The following TRERF1 variants were observed in gnomAD, a reference collection of about 807,000 sequenced individuals.
The protein encoded by TRERF1 is transcriptional-regulating factor 1.
In TRERF1, 27 loss-of-function variants were observed where a neutral mutation model predicts 122.9. The observed-to-expected ratio is 0.22, with a 90% CI of 0.16 to 0.30. The LOEUF (loss-of-function observed/expected upper bound fraction) is 0.30. Among genes scored for constraint, TRERF1 ranks in the 10% least tolerant of loss-of-function variants. The pLI, the probability that TRERF1 is intolerant of heterozygous loss-of-function variation, is 1.00. For synonymous variants in TRERF1, 636 were observed against 641.7 expected, an observed-to-expected ratio of 0.99 and a Z score of 0.13; for missense variants, 1,248 against 1,560.3, an observed-to-expected ratio of 0.80 and a Z score of 3.37.
At chr6:42,432,208 G>A (rs183542415) in intron 2 of TRERF1, among the ~76,000 whole-genome samples, 113 of 152,280 alleles carry the variant, frequency 7.4e-4, no homozygotes, top group African/African-American at 2.5e-3. Flanking sequence ...TGTCTGGCAC[G>A]TGGTGAGCAT....
In TRERF1 at chr6:42,284,965, A is replaced by G. The variant is rs1269511086; in HGVS notation, c.-258-15117T>C. 4.0e-5 allele frequency among the ~76,000 whole-genome samples: 6 copies of G among 151,136 alleles called. No individual in the cohort carries two copies. The East Asian group carries it at 1.2e-3, about 29-fold the overall frequency. ...TGAAAACATTTTCTGAAGTAAGCAG[A>G]CCTTTTTTTTTTCAAAGGTCCTCAA... is the stretch of plus-strand genomic sequence containing the variant. On this transcript the variant is annotated intron_variant, in intron 4 of 17. Coordinates refer to ENST00000372922, the Ensembl canonical transcript of TRERF1.
At chr6:42,407,679 G>A (rs72857675) in intron 2 of TRERF1, among the ~76,000 whole-genome samples, 5 of 151,682 alleles carry the variant, frequency 3.3e-5, no homozygotes, top group Admixed American at 6.6e-5. Context: ...CCACCGCAAC[G>A]CATTTCCTCT....
chr6:42,260,225 C>T (rs780574687), intron 8 of TRERF1, among the ~76,000 whole-genome samples: 24 of 151,990 alleles, frequency 1.6e-4, no homozygotes, highest in Non-Finnish European at 3.4e-4. Flanking sequence ...GCGACCCACA[C>T]CGGGCTCTCC....
At chr6:42,444,338 T>G (rs1266491641) in intron 2 of TRERF1, among the ~76,000 whole-genome samples, 1 of 152,150 alleles carries the variant, frequency 6.6e-6, no homozygotes, top group Non-Finnish European at 1.5e-5. Context: ...AACTGAAGAC[T>G]CTTTTCTCCA....
In TRERF1 at chr6:42,421,895, T is replaced by G. The variant is rs1178981742; in HGVS notation, c.-454+29282A>C. 3.3e-5 allele frequency among the ~76,000 whole-genome samples: 5 copies of G among 151,442 alleles called. No homozygotes were observed. In the East Asian group the frequency reaches 9.9e-4, roughly 30 times the overall value. On this transcript the variant is annotated intron_variant, in intron 2 of 17. Transcript: ENST00000372922. ...CAGTTTGAGAAACACTGGCCGCGTG[T>G]GGTGGCTCACGCCTGTAATCCCAGC...
intron 2 of TRERF1, among the ~76,000 whole-genome samples, chr6:42,438,676 T>C (rs1785918772): frequency 1.3e-5 from 2 of 151,982 alleles, no homozygotes; most frequent in South Asian, 4.1e-4. Flanking sequence ...AATTCTGCCA[T>C]CCTGGTTAAG....
chr6:42,272,631 G>A (rs713383), intron 4 of TRERF1, among the ~76,000 whole-genome samples: 36,474 of 152,116 alleles, frequency 0.24, 4,759 homozygotes, highest in East Asian at 0.38. Context: ...CTGCATCCAG[G>A]TGAGGCATAA....
At chr6:42,387,772 T>C (rs1309412386) in intron 2 of TRERF1, among the ~76,000 whole-genome samples, 1 of 148,754 alleles carries the variant, frequency 6.7e-6, no homozygotes, top group African/African-American at 2.5e-5. Context: ...AATTTTTACA[T>C]CAGTAAACCA....
chr6:42,445,817 T>A (rs1157313134), intron 2 of TRERF1, among the ~76,000 whole-genome samples: 1 of 152,182 alleles, frequency 6.6e-6, no homozygotes, highest in African/African-American at 2.4e-5. Flanking sequence ...TTTACTGTGC[T>A]CTGCCTTTCT....
Position 42,263,492 on chromosome 6 carries a change from T to TGTG in TRERF1, c.1709_1711dup (p.Pro570dup). On this transcript the variant is annotated inframe_insertion, in exon 8 of 18. Transcript: ENST00000372922. The surrounding 1 kb of genome is among the most constrained non-coding windows in gnomAD (Gnocchi z 5.6). ...GAGGCTTTCTGCCTCGGGAGGGAGC[T>TGTG]GTGGTGGCGGCGGAGGCGGAGGCGG... 1 of 1,581,092 alleles carries TGTG rather than the reference T, an allele frequency of 6.3e-7. No individual in the cohort carries two copies.
intron 3 of TRERF1, among the ~76,000 whole-genome samples, chr6:42,311,068 CTAT>C (rs1432022362): frequency 6.6e-6 from 1 of 152,116 alleles, no homozygotes; most frequent in Admixed American, 6.5e-5. Flanking sequence ...TGAGCACCTA[CTAT>C]ATGTTGGGTA....
chr6:42,422,749 G>A (rs560373500), intron 2 of TRERF1, among the ~76,000 whole-genome samples: 19 of 151,776 alleles, frequency 1.3e-4, no homozygotes, highest in African/African-American at 3.9e-4. Flanking sequence ...CATCACTGCC[G>A]TCCAGGATGG....
chr6:42,303,107 C>A (rs1786507469), intron 3 of TRERF1, among the ~76,000 whole-genome samples: 1 of 152,154 alleles, frequency 6.6e-6, no homozygotes, highest in Non-Finnish European at 1.5e-5. Context: ...TTAACTAGTT[C>A]AATCCATTCA....
At chr6:42,415,461 C>T (rs1291276731) in intron 2 of TRERF1, among the ~76,000 whole-genome samples, 1 of 152,136 alleles carries the variant, frequency 6.6e-6, no homozygotes, top group East Asian at 1.9e-4. Context: ...GGTCTCTCTA[C>T]TCCAAGACAA....
intron 3 of TRERF1, among the ~76,000 whole-genome samples, chr6:42,327,472 T>A (rs1764492893): frequency 6.6e-6 from 1 of 152,142 alleles, no homozygotes; most frequent in South Asian, 2.1e-4. Context: ...GACTTCTGTA[T>A]CCCCAGATCC....
chr6:42,262,605 C>CAGAGAGAGAGAGAGAGAGAG (rs1778382356), intron 8 of TRERF1, among the ~76,000 whole-genome samples: 1 of 59,462 alleles, frequency 1.7e-5, no homozygotes, highest in African/African-American at 7.2e-5. Flanking sequence ...GAGAGACAGA[C>CAGAGAGAGAGAGAGAGAGAG]AGACGGAAAC....
At chr6:42,387,964 C>T (rs1240059685) in intron 2 of TRERF1, among the ~76,000 whole-genome samples, 5 of 152,222 alleles carry the variant, frequency 3.3e-5, no homozygotes, top group South Asian at 2.1e-4. Context: ...CATGCCACCA[C>T]GCTTGGCTAA....
chr6:42,253,506 C>T (rs956325144), intron 13 of TRERF1, among the ~76,000 whole-genome samples: 2 of 152,126 alleles, frequency 1.3e-5, no homozygotes, highest in Non-Finnish European at 2.9e-5. Context: ...AGGGAGAACT[C>T]CTACATCTTT....
chr6:42,383,195 C>T (rs570413095), intron 2 of TRERF1, among the ~76,000 whole-genome samples: 1 of 152,262 alleles, frequency 6.6e-6, no homozygotes, highest in African/African-American at 2.4e-5. Context: ...CACTCCACTG[C>T]ACTCCAGCCT....
Sources: allele counts gnomAD v4.1 joint callset (sites outside exome capture counted in the v4.1 genomes callset), GRCh38; gene constraint gnomAD v4.1.1; non-coding constraint Gnocchi (gnomAD v3.1); transcripts MANE v1.5; gene names NCBI Gene and HGNC (gene_info 2026-07-23, HGNC 2026-07-21).